The following ACER1 variants were observed in gnomAD, a reference collection of about 807,000 sequenced individuals.
ACER1 encodes CTB-180A7.3.
Under a neutral mutation model 24.9 loss-of-function variants are expected in ACER1, and 28 were observed. The ratio of observed to expected loss-of-function variants is 1.13; its 90% CI spans 0.83 to 1.54. The LOEUF (loss-of-function observed/expected upper bound fraction) is 1.54, where lower values mean the gene tolerates loss of function less well. Ranked by LOEUF, ACER1 falls within the 40% of genes most tolerant of loss-of-function variation. ACER1 has a pLI of 0.00. For missense variants in ACER1, 352 were observed against 349.3 expected (o/e 1.01, Z -0.06); for synonymous variants, 132 against 131.4 (o/e 1.00, Z -0.03).
intron 1 of ACER1, among the ~76,000 whole-genome samples, chr19:6,324,830 AAG>A (rs2091651324): frequency 8.9e-6 from 1 of 112,810 alleles, no homozygotes; most frequent in Admixed American, 1.0e-4. Flanking sequence ...GAAGGAAAGG[AAG>A]GAAGGAAGGA....
intron 1 of ACER1, among the ~76,000 whole-genome samples, chr19:6,331,966 ATTT>A (rs113359211): frequency 0.032 from 4,269 of 133,684 alleles, 206 homozygotes; most frequent in African/African-American, 0.11. Flanking sequence ...GTGCATTCCT[ATTT>A]TTTTTTTTTT....
intron 1 of ACER1, among the ~76,000 whole-genome samples, chr19:6,314,331 G>A (rs1034161106): frequency 3.3e-5 from 5 of 151,552 alleles, no homozygotes; most frequent in African/African-American, 1.2e-4. Context: ...ATAGCTGGGT[G>A]TAGTGGTGGG....
chr19:6,334,356 TAA>T (rs1219226546), upstream of ACER1, among the ~76,000 whole-genome samples: 1 of 151,036 alleles, frequency 6.6e-6, no homozygotes, highest in African/African-American at 2.4e-5. Context: ...CCTTTTTTTT[TAA>T]AATTGAGATG....
At position 6,306,763 on chromosome 19, in the gene ACER1, G is replaced by A; in HGVS notation, c.746C>T (p.Pro249Leu). 9 of 1,614,018 alleles carry A rather than the reference G, an allele frequency of 5.6e-6. No homozygotes were observed. Among genetic ancestry groups the A allele is most frequent in the Non-Finnish European group, 7.6e-6 (9 of 1,179,934 alleles). ...KVRYWPRDSW[P>L]VGLPYVEIRG... ...GATTTCCACGTAGGGCAGCCCCACG[G>A]GCCAACTGTCCCGAGGCCAGTAGCG... is the stretch of plus-strand genomic sequence containing the variant. Residue 249 changes from proline (P) to leucine (L), a missense_variant, in exon 6 of 6, where the codon CCC becomes CTC. Coordinates refer to ENST00000301452, the MANE Select transcript of ACER1 (RefSeq NM_133492.3).
chr19:6,317,547 A>G (rs568833430), intron 1 of ACER1, among the ~76,000 whole-genome samples: 1 of 152,212 alleles, frequency 6.6e-6, no homozygotes, highest in East Asian at 1.9e-4. Context: ...TCTGCCTCCA[A>G]CCAAACACCA....
chr19:6,335,551 C>T (rs1160054970), upstream of ACER1, among the ~76,000 whole-genome samples: 2 of 152,046 alleles, frequency 1.3e-5, no homozygotes, highest in Non-Finnish European at 2.9e-5. Flanking sequence ...CAATCCTACC[C>T]CGGGTGCTGT....
At chr19:6,339,872 A>G in the ACER1 span, among the ~76,000 whole-genome samples, 4 of 151,714 alleles carry the variant, frequency 2.6e-5, no homozygotes, top group African/African-American at 7.3e-5. Context: ...TCACCGTGTT[A>G]GCCAGGATGG....
At chr19:6,343,829 C>T in the ACER1 span, 3 of 152,336 alleles carry the variant, frequency 2.0e-5, no homozygotes, top group East Asian at 5.8e-4. Context: ...CAGGCTGCCT[C>T]CATCACATTC....
chr19:6,329,533 G>A (rs542161571), intron 1 of ACER1, among the ~76,000 whole-genome samples: 1 of 152,052 alleles, frequency 6.6e-6, no homozygotes, highest in African/African-American at 2.4e-5. Flanking sequence ...TTCATAATAG[G>A]TGTTCTGATC....
chr19:6,310,019 T>A (rs1412943073), intron 3 of ACER1, among the ~76,000 whole-genome samples, 185 bp from the exon 4 acceptor site: 1 of 151,772 alleles, frequency 6.6e-6, no homozygotes, highest in Non-Finnish European at 1.5e-5. Flanking sequence ...CCCAGCACCT[T>A]GGGAGGCTGA....
At chr19:6,313,663 T>C (rs1360588715) in intron 1 of ACER1, among the ~76,000 whole-genome samples, 2 of 152,214 alleles carry the variant, frequency 1.3e-5, no homozygotes, top group Non-Finnish European at 2.9e-5. Context: ...ATGGATGTCA[T>C]GAGTTGACCT....
At chr19:6,311,967 G>A (rs944237987) in intron 3 of ACER1, among the ~76,000 whole-genome samples, 182 bp downstream of exon 3, 3 of 152,166 alleles carry the variant, frequency 2.0e-5, no homozygotes, top group South Asian at 2.1e-4. Flanking sequence ...CTCAGGGGAG[G>A]GGTCTCCAGA....
chr19:6,312,459 A>G lies in ACER1; in HGVS notation c.134T>C (p.Met45Thr). The G allele has an allele frequency of 6.2e-7, 1 of 1,614,040 alleles. No homozygotes were observed. The highest frequency in any genetic ancestry group is 8.5e-7 in the Non-Finnish European group (1 of 1,180,028). ...IPFFIFGPLM[M>T]LLMHPYAQKR... The stretch of plus-strand genomic sequence containing the variant: ...CTGGGCATACGGGTGCATCAGGAGC[A>G]TCATCAGTGGCCCGAAGATGAAGAA... Residue 45 changes from methionine (M) to threonine (T), a missense_variant, in exon 2 of 6, where the codon ATG (methionine) becomes ACG (threonine). By Grantham distance (81) the Met-to-Thr change is moderately conservative (BLOSUM62 -1). Coordinates refer to ENST00000301452, the MANE Select transcript of ACER1 (RefSeq NM_133492.3).
intron 3 of ACER1, among the ~76,000 whole-genome samples, chr19:6,311,911 G>A (rs564157056): frequency 1.1e-3 from 161 of 152,250 alleles, no homozygotes; most frequent in South Asian, 6.8e-3. Context: ...GAAGTCCCAG[G>A]TTATCAAAGT....
intron 1 of ACER1, among the ~76,000 whole-genome samples, chr19:6,324,864 G>GC (rs2091652128): frequency 1.2e-5 from 1 of 80,914 alleles, no homozygotes; most frequent in African/African-American, 8.7e-5. Flanking sequence ...AGAGAGAAAG[G>GC]AAGGAAGGAA....
At chr19:6,336,135 T>G (rs2091713473), upstream of ACER1, among the ~76,000 whole-genome samples, 1 of 152,038 alleles carries the variant, frequency 6.6e-6, no homozygotes, top group African/African-American at 2.4e-5. Context: ...TCGTGACTTC[T>G]GGTGATCCAC....
the ACER1 span, among the ~76,000 whole-genome samples, chr19:6,357,663 C>T: frequency 6.0e-5 from 9 of 151,166 alleles, no homozygotes; most frequent in Admixed American, 1.3e-4. Flanking sequence ...CTCAGGAGGT[C>T]GAGGCCCGAG....
At chr19:6,337,196 T>C (rs1425174403), upstream of ACER1, among the ~76,000 whole-genome samples, 2 of 149,208 alleles carry the variant, frequency 1.3e-5, no homozygotes, top group South Asian at 4.2e-4. Flanking sequence ...AAAAAATCAC[T>C]GTGGTGTCTG....
At chr19:6,341,225 G>T in the ACER1 span, among the ~76,000 whole-genome samples, 1 of 148,620 alleles carries the variant, frequency 6.7e-6, no homozygotes, top group East Asian at 2.1e-4. Flanking sequence ...CAGGAGAATC[G>T]CTTGAACCCA....
Sources: gnomAD v4.1 joint callset for allele counts (sites outside exome capture counted in the v4.1 genomes callset) on GRCh38, gnomAD v4.1.1 for gene constraint, MANE v1.5 for transcripts, NCBI Gene and HGNC (gene_info 2026-07-23, HGNC 2026-07-21) for gene names.